Variants in NID1 observed in about 807,000 individuals in gnomAD.
The protein encoded by NID1 is nidogen-1.
In NID1, 76 loss-of-function variants were observed where a neutral mutation model predicts 130.6. That is an observed-to-expected ratio of 0.58 (90% CI 0.48 to 0.70). NID1 has a LOEUF of 0.70. Ranked by LOEUF, NID1 falls within the 30% of genes least tolerant of loss-of-function variation. The pLI is 0.00. For synonymous variants in NID1, 665 were observed against 675.1 expected, an observed-to-expected ratio of 0.98 and a Z score of 0.23; for missense variants, 1,517 against 1,664.8, an observed-to-expected ratio of 0.91 and a Z score of 1.54.
intron 9 of NID1, among the ~76,000 whole-genome samples, chr1:236,021,365 A>G (rs976231240): frequency 2.0e-5 from 3 of 152,216 alleles, no homozygotes; most frequent in Non-Finnish European, 4.4e-5. Flanking sequence ...TACCACATAT[A>G]CAAAGCTATC....
chr1:236,059,233 G>A (rs980094257), intron 1 of NID1, among the ~76,000 whole-genome samples: 4 of 152,168 alleles, frequency 2.6e-5, no homozygotes, highest in African/African-American at 9.7e-5. Context: ...CATGCAAGTT[G>A]CAATGTTTTT....
Position 236,048,901 on chromosome 1 carries a change from G to A in NID1, c.314C>T (p.Ala105Val), listed in dbSNP as rs767632301. ...GLFPPTFGAVAPFLADLDTTD... is the reference protein window; with the variant it reads ...GLFPPTFGAVVPFLADLDTTD... Reference sequence around the variant, plus strand: ...CGTGTCCAAGTCCGCCAGGAAAGGGGCGACTGCACCGAATGTTGGTGGGAA... The same window carrying A: ...CGTGTCCAAGTCCGCCAGGAAAGGGACGACTGCACCGAATGTTGGTGGGAA... Residue 105 changes from alanine to valine, a missense_variant, in exon 2 of 20, where the codon GCC (alanine) becomes GTC (valine). By Grantham distance (64) the Ala-to-Val change is moderately conservative. Around this residue, in one of 3 missense-constraint regions of NID1, gnomAD observed 1,329 missense variants for 1,429.2 expected, o/e 0.93. Coordinates refer to ENST00000264187, the MANE Select transcript of NID1 (RefSeq NM_002508.3). 1.2e-6 allele frequency: 2 copies of A among 1,614,072 alleles called. No homozygotes were observed. The highest frequency in any genetic ancestry group is 2.2e-5 in the South Asian group (2 of 91,032).
chr1:235,987,646 G>C (rs1161336423), intron 14 of NID1, among the ~76,000 whole-genome samples: 3 of 152,164 alleles, frequency 2.0e-5, no homozygotes, highest in African/African-American at 7.2e-5. Flanking sequence ...CAATAGCCTG[G>C]AAACTATTGA....
At chr1:236,034,422 C>CAAAA (rs144657585) in intron 5 of NID1, among the ~76,000 whole-genome samples, 47 of 92,564 alleles carry the variant, frequency 5.1e-4, no homozygotes, top group African/African-American at 1.2e-3. Flanking sequence ...AACTCCATCT[C>CAAAA]AAAAAAAAAA....
chr1:236,048,207 C>G (rs903800515), intron 2 of NID1, among the ~76,000 whole-genome samples: 3 of 143,210 alleles, frequency 2.1e-5, no homozygotes, highest in South Asian at 4.6e-4. Context: ...TGGTGGTGGT[C>G]GCCTGTAGTC....
At chr1:236,001,199 G>A (rs751216868) in intron 12 of NID1, among the ~76,000 whole-genome samples, 9 of 151,300 alleles carry the variant, frequency 5.9e-5, no homozygotes, top group African/African-American at 9.7e-5. Flanking sequence ...TCTGCCTCCC[G>A]GGTTCAAGCG....
chr1:236,048,284 A>G (rs952357130), intron 2 of NID1, among the ~76,000 whole-genome samples: 55 of 149,898 alleles, frequency 3.7e-4, no homozygotes, highest in African/African-American at 1.4e-3. Flanking sequence ...GCAGTGAGCC[A>G]AGATCGTGCC....
At chr1:236,023,755 G>A (rs1404731709) in intron 9 of NID1, among the ~76,000 whole-genome samples, 2 of 152,098 alleles carry the variant, frequency 1.3e-5, no homozygotes, top group Non-Finnish European at 2.9e-5. Context: ...TATAGCTATT[G>A]TTATATTACT....
Position 236,048,984 on chromosome 1 carries a change from G to A in NID1, c.231C>T (p.Thr77=), listed in dbSNP as rs754323093. ...DRSDIDAVYV[T]TNGIIATSEP... The stretch of plus-strand genomic sequence containing the variant: ...CACTCGTAGCAATGATGCCATTTGT[G>A]GTGACCTGTACAAAACCAAGTGTGG... Residue 77 remains threonine (T), a synonymous_variant, in exon 2 of 20, where the codon ACC becomes ACT. Transcript: ENST00000264187. 4 of 1,613,532 alleles carry A rather than the reference G, an allele frequency of 2.5e-6. No individual in the cohort carries two copies. In the South Asian group the frequency reaches 4.4e-5, roughly 18 times the overall value.
chr1:236,045,510 G>T lies in NID1; in HGVS notation c.699C>A (p.Asn233Lys). ...QGSVGFLWKS[N>K]GAYNIFANDR... ...CATTAGCAAATATGTTATAAGCTCC[G>T]TTGCTCTTCCATAAGAATCCCACTG... is the stretch of plus-strand genomic sequence containing the variant. Residue 233 changes from asparagine (N) to lysine (K), a missense_variant, in exon 3 of 20, where the codon AAC becomes AAA. Physicochemically the swap from Asn to Lys is moderately conservative, Grantham distance 94. Around this residue, in one of 3 missense-constraint regions of NID1, gnomAD observed 1,329 missense variants for 1,429.2 expected, o/e 0.93. Coordinates refer to ENST00000264187, the MANE Select transcript of NID1 (RefSeq NM_002508.3). The T allele has an allele frequency of 6.2e-7, 1 of 1,614,092 alleles. No homozygotes were observed. The highest frequency in any genetic ancestry group is 8.5e-7 in the Non-Finnish European group (1 of 1,180,036).
In NID1 at chr1:235,979,670, C is replaced by G. The variant is rs1487245805; in HGVS notation, c.3509+152G>C. On this transcript the variant is annotated intron_variant, in intron 18 of 19. Coordinates refer to ENST00000264187, the MANE Select transcript of NID1 (RefSeq NM_002508.3). The surrounding 1 kb of genome is among the most constrained non-coding windows in gnomAD (Gnocchi z 4.6). The stretch of plus-strand genomic sequence containing the variant: ...TGCTCCTCTCTTGGCTCCTGACAAC[C>G]AGAAGGATAAGGGAGAGGGGACATC... 2.6e-6 allele frequency: 2 copies of G among 760,714 alleles called. No homozygotes were observed. Among genetic ancestry groups the G allele is most frequent in the African/African-American group, 1.7e-5 (1 of 57,176 alleles). 47.1% of individuals were successfully genotyped at this position (760,714 alleles called of 1,614,324 possible).
rs1469695055 is a variant in NID1 at position 236,026,085 on chromosome 1, C to T, written c.1795G>A (p.Ala599Thr). ...YTVTEPERDG[A>T]SPSRIYTYQW... is the part of the protein sequence containing the mutation. ...TAAGTGTAGATGCGTGAAGGAGATG[C>T]CCCATCTCGCTCGGGCTCAGTCACC... The change falls in exon 8 of 20, where the codon GCA becomes ACA. Residue 599 changes from alanine (A) to threonine (T), a missense_variant. Physicochemically the swap from Ala to Thr is moderately conservative, Grantham distance 58. Transcript: ENST00000264187. 1.2e-6 allele frequency: 2 copies of T among 1,613,590 alleles called. No homozygotes were observed. Among genetic ancestry groups the T allele is most frequent in the Non-Finnish European group, 1.7e-6 (2 of 1,179,880 alleles).
intron 1 of NID1, among the ~76,000 whole-genome samples, chr1:236,049,745 A>T (rs1311593563): frequency 2.0e-5 from 3 of 152,146 alleles, no homozygotes; most frequent in Non-Finnish European, 4.4e-5. Context: ...ACCTCTTAAG[A>T]CTAGGTACTA....
chr1:236,013,845 T>A (rs1396748441), intron 10 of NID1, among the ~76,000 whole-genome samples: 1 of 152,132 alleles, frequency 6.6e-6, no homozygotes, highest in Non-Finnish European at 1.5e-5. Context: ...CAGGCCACTC[T>A]CCAAACTAGA....
At chr1:236,039,168 A>G (rs1294991612) in intron 4 of NID1, among the ~76,000 whole-genome samples, 2 of 145,516 alleles carry the variant, frequency 1.4e-5, no homozygotes, top group East Asian at 3.9e-4. Flanking sequence ...ATAACAGATA[A>G]AATATATTTA....
At position 235,979,448 on chromosome 1, in the gene NID1, T is replaced by C. The variant is rs1047185340; in HGVS notation, c.3510-341A>G. Among the ~76,000 whole-genome samples the C allele has an allele frequency of 2.2e-4, 33 of 152,140 alleles. No homozygotes were observed. Among genetic ancestry groups the C allele is most frequent in the African/African-American group, 8.0e-4 (33 of 41,498 alleles). On this transcript the variant is annotated intron_variant, in intron 18 of 19. Coordinates refer to ENST00000264187, the MANE Select transcript of NID1 (RefSeq NM_002508.3). This position sits in a 1 kb window ranked among gnomAD's most constrained non-coding sequence, Gnocchi z 4.6. ...GGAAGAGGCCGTGGGAATATTGCAG[T>C]TTAACAACTATAATGAAGCAGGGAC...
chr1:236,063,812 A>G (rs761420284), intron 1 of NID1, among the ~76,000 whole-genome samples: 17 of 152,210 alleles, frequency 1.1e-4, no homozygotes, highest in Non-Finnish European at 2.5e-4. Flanking sequence ...AAAGCGTTAT[A>G]CTGAAAAGGG....
chr1:236,045,714 G>A (rs370126536), intron 2 of NID1, 31 bp from the exon 3 acceptor site: 66 of 1,517,868 alleles, frequency 4.3e-5, no homozygotes, highest in East Asian at 1.6e-4. Flanking sequence ...TCAGTTACTC[G>A]GAAAAATATC....
chr1:235,979,793 C>T lies in NID1; in HGVS notation c.3509+29G>A, dbSNP rs1377819261. ...GACAGTGGGTGGAGGGGCAGGCCCACGCAGCCCCCATGGCTACAGCTGACG... is the reference window on the plus strand; with the variant it reads ...GACAGTGGGTGGAGGGGCAGGCCCATGCAGCCCCCATGGCTACAGCTGACG... On this transcript the variant is annotated intron_variant, in intron 18 of 19. Transcript: ENST00000264187. The surrounding 1 kb of genome is among the most constrained non-coding windows in gnomAD (Gnocchi z 4.6). 5.0e-6 allele frequency: 8 copies of T among 1,609,898 alleles called. No individual in the cohort carries two copies. Among genetic ancestry groups the T allele is most frequent in the African/African-American group, 1.3e-5 (1 of 74,824 alleles).
Sources: gnomAD v4.1 joint callset for allele counts (sites outside exome capture counted in the v4.1 genomes callset) on GRCh38, gnomAD v4.1.1 for gene constraint, gnomAD v4.1.1 regional missense constraint, Gnocchi (gnomAD v3.1) non-coding constraint, MANE v1.5 for transcripts, NCBI Gene and HGNC (gene_info 2026-07-23, HGNC 2026-07-21) for gene names.